The following SBF2 variants were observed in gnomAD, a reference collection of about 807,000 sequenced individuals.
SBF2 encodes myotubularin-related protein 13.
SBF2 carries 112 observed loss-of-function variants against 225.2 expected under a neutral mutation model. The ratio of observed to expected loss-of-function variants is 0.50; its 90% CI spans 0.43 to 0.58. SBF2 has a LOEUF of 0.58. Among genes scored for constraint, SBF2 ranks in the 20% least tolerant of loss-of-function variants. SBF2 has a pLI of 0.00. For missense variants in SBF2, 1,996 were observed against 2,206.2 expected (o/e 0.90, Z 1.91); for synonymous variants, 763 against 773.3 (o/e 0.99, Z 0.22).
intron 26 of SBF2, chr11:9,838,530 T>C (rs1439799024): frequency 6.6e-6 from 1 of 152,222 alleles, no homozygotes; most frequent in Non-Finnish European, 1.5e-5. Context: ...CAGAACTTCA[T>C]GCAAAATGTT....
chr11:9,911,904 C>T (rs117748610), intron 16 of SBF2, among the ~76,000 whole-genome samples: 1,707 of 152,372 alleles, frequency 0.011, 11 homozygotes, highest in Non-Finnish European at 0.017. Context: ...ATAACCTAGG[C>T]GTGGAATACG....
intron 16 of SBF2, among the ~76,000 whole-genome samples, chr11:9,899,337 T>TAA (rs1849345257): frequency 1.1e-5 from 1 of 93,316 alleles, no homozygotes; most frequent in Non-Finnish European, 2.1e-5. Context: ...CTACAAAAAA[T>TAA]TAAAAAAAAA....
intron 17 of SBF2, 116 bp from the exon 18 acceptor site, chr11:9,858,512 C>T (rs1053445826): frequency 3.5e-5 from 38 of 1,071,158 alleles, no homozygotes; most frequent in Middle Eastern, 4.9e-4. Context: ...TAAAGAATAT[C>T]GTATGGTAGT....
At chr11:9,812,498 G>C in intron 30 of SBF2, 34 bp downstream of exon 30, 1 of 1,608,734 alleles carries the variant, frequency 6.2e-7, no homozygotes, top group Non-Finnish European at 8.5e-7. Context: ...CTGTTTCTTT[G>C]AGTTATAAAG....
At chr11:9,842,599 T>G (rs770995088) in intron 25 of SBF2, 26 bp downstream of exon 25, 3 of 1,610,804 alleles carry the variant, frequency 1.9e-6, no homozygotes, top group Middle Eastern at 3.3e-4. Flanking sequence ...AGTTGAATAA[T>G]GAAGGAAATT....
chr11:9,973,399 T>C lies in SBF2; in HGVS notation c.1396-4854A>G, dbSNP rs541997346. Among the ~76,000 whole-genome samples the C allele has an allele frequency of 2.0e-5, 3 of 152,272 alleles. No individual in the cohort carries two copies. The East Asian group carries it at 5.8e-4, about 29-fold the overall frequency. On this transcript the variant is annotated intron_variant, in intron 13 of 39. Transcript: ENST00000256190. ...ATCTTTGATTCCAGAGAAATGCAAA[T>C]ATAAAGTAATAAACAAGGGCTAGAC... is the stretch of plus-strand genomic sequence containing the variant.
chr11:9,782,925 ATAAGCC>A (rs1235014718), intron 38 of SBF2: 1 of 152,122 alleles, frequency 6.6e-6, no homozygotes, highest in Non-Finnish European at 1.5e-5. Context: ...CTGCTAGGGA[ATAAGCC>A]TTATTGGGCC....
chr11:9,815,572 T>C (rs543867593), intron 29 of SBF2, among the ~76,000 whole-genome samples: 1 of 152,254 alleles, frequency 6.6e-6, no homozygotes, highest in Admixed American at 6.5e-5. Flanking sequence ...CTTACTCAAA[T>C]ACGTATGATC....
At chr11:9,851,810 AC>A (rs1443530432) in intron 21 of SBF2, among the ~76,000 whole-genome samples, 1 of 152,176 alleles carries the variant, frequency 6.6e-6, no homozygotes, top group Non-Finnish European at 1.5e-5. Context: ...TTGCTCTGTC[AC>A]CCAGGCTGGA....
chr11:10,222,823 G>A (rs895900415), intron 1 of SBF2, among the ~76,000 whole-genome samples: 1 of 152,032 alleles, frequency 6.6e-6, no homozygotes, highest in African/African-American at 2.4e-5. Context: ...CTGAGCAGCA[G>A]GATATAAATA....
intron 2 of SBF2, among the ~76,000 whole-genome samples, chr11:10,067,359 T>C (rs970518448): frequency 4.6e-5 from 7 of 152,208 alleles, no homozygotes; most frequent in African/African-American, 1.2e-4. Flanking sequence ...GGTTTTTTGG[T>C]TGTGTGTTTG....
chr11:9,945,776 T>C (rs189595336), intron 16 of SBF2, among the ~76,000 whole-genome samples: 2 of 152,088 alleles, frequency 1.3e-5, no homozygotes, highest in Non-Finnish European at 2.9e-5. Flanking sequence ...GCAAAGGACA[T>C]GAACAGACAC....
At position 9,983,626 on chromosome 11, in the gene SBF2, G is replaced by A. The variant is rs187912011; in HGVS notation, c.1395+5871C>T. On this transcript the variant is annotated intron_variant, in intron 13 of 39. Coordinates refer to ENST00000256190, the MANE Select transcript of SBF2 (RefSeq NM_030962.4). Reference sequence around the variant, plus strand: ...ACCTCCTGACAGGAGGCCAACCAGCGCAAAAACAGAGCATTAAACCACCAA... The same window carrying A: ...ACCTCCTGACAGGAGGCCAACCAGCACAAAAACAGAGCATTAAACCACCAA... 1.8e-4 allele frequency among the ~76,000 whole-genome samples: 27 copies of A among 152,250 alleles called. 1 individual carries two copies. The highest frequency in any genetic ancestry group is 1.6e-3 in the Admixed American group (25 of 15,296).
chr11:9,910,516 T>C (rs9919605), intron 16 of SBF2, among the ~76,000 whole-genome samples: 43,240 of 151,792 alleles, frequency 0.28, 7,001 homozygotes, highest in African/African-American at 0.44. Flanking sequence ...AGTCCTTCAG[T>C]AGGTATTCTA....
intron 2 of SBF2, among the ~76,000 whole-genome samples, chr11:10,144,723 T>G (rs1181839422): frequency 6.6e-6 from 1 of 152,190 alleles, no homozygotes; most frequent in Admixed American, 6.5e-5. Flanking sequence ...TTCTACATGT[T>G]CTTCTATGCT....
intron 16 of SBF2, among the ~76,000 whole-genome samples, chr11:9,922,555 A>G (rs1024008846): frequency 6.6e-6 from 1 of 150,734 alleles, no homozygotes; most frequent in African/African-American, 2.4e-5. Flanking sequence ...GTTTATCATT[A>G]TTTATGTGAA....
At chr11:9,823,924 G>A (rs1386944272) in intron 28 of SBF2, among the ~76,000 whole-genome samples, 3 of 152,204 alleles carry the variant, frequency 2.0e-5, no homozygotes, top group Non-Finnish European at 4.4e-5. Context: ...GTAAAAGAAT[G>A]AGATTTGCGT....
intron 2 of SBF2, among the ~76,000 whole-genome samples, chr11:10,122,869 G>C (rs754310431): frequency 2.6e-5 from 4 of 152,152 alleles, no homozygotes; most frequent in African/African-American, 4.8e-5. Flanking sequence ...AAACTCTATA[G>C]AATAGCCTTA....
At chr11:9,794,010 C>T (rs1265433480) in intron 33 of SBF2, among the ~76,000 whole-genome samples, 2 of 152,094 alleles carry the variant, frequency 1.3e-5, no homozygotes, top group African/African-American at 2.4e-5. Context: ...TGGCAGAACC[C>T]TATGTCTACA....
Sources: gnomAD v4.1 joint callset for allele counts (sites outside exome capture counted in the v4.1 genomes callset) on GRCh38, gnomAD v4.1.1 for gene constraint, MANE v1.5 for transcripts, NCBI Gene and HGNC (gene_info 2026-07-23, HGNC 2026-07-21) for gene names.